NRXN1: variants seen among roughly 807,000 people sequenced by gnomAD.
NRXN1 encodes neurexin 1.
Under a neutral mutation model 150.9 loss-of-function variants are expected in NRXN1, and 39 were observed. The ratio of observed to expected loss-of-function variants is 0.26; its 90% CI spans 0.20 to 0.34. The LOEUF is 0.34. Among genes scored for constraint, NRXN1 ranks in the 10% least tolerant of loss-of-function variants. The probability of loss-of-function intolerance (pLI) is 1.00; values close to 1 mark genes in which losing one functional copy is unlikely to be tolerated. For synonymous variants in NRXN1, 924 were observed against 757.0 expected, an observed-to-expected ratio of 1.22 and a Z score of -3.62; for missense variants, 1,815 against 1,949.9, an observed-to-expected ratio of 0.93 and a Z score of 1.30.
intron 18 of NRXN1, among the ~76,000 whole-genome samples, chr2:50,115,580 A>G (rs1702945280): frequency 6.6e-6 from 1 of 152,024 alleles, no homozygotes; most frequent in Non-Finnish European, 1.5e-5. Flanking sequence ...TAAGTGAGAT[A>G]CGAACCCAGT....
chr2:50,676,175 T>C (rs1213263598), intron 5 of NRXN1, among the ~76,000 whole-genome samples: 1 of 152,068 alleles, frequency 6.6e-6, no homozygotes, highest in Non-Finnish European at 1.5e-5. Flanking sequence ...TCTCTCTTGC[T>C]CCCTCTCTCA....
At chr2:50,719,519 A>C (rs1041407958) in intron 5 of NRXN1, among the ~76,000 whole-genome samples, 1 of 151,994 alleles carries the variant, frequency 6.6e-6, no homozygotes, top group Non-Finnish European at 1.5e-5. Flanking sequence ...TACTAAAAAT[A>C]CAAAAAATTA....
chr2:50,679,677 C>T (rs1436462689), intron 5 of NRXN1, among the ~76,000 whole-genome samples: 1 of 152,108 alleles, frequency 6.6e-6, no homozygotes, highest in Non-Finnish European at 1.5e-5. Flanking sequence ...ATAAAATTAT[C>T]TTTATTCTAT....
chr2:50,039,925 A>C (rs924383964), intron 21 of NRXN1, among the ~76,000 whole-genome samples: 3 of 152,196 alleles, frequency 2.0e-5, no homozygotes, highest in Non-Finnish European at 4.4e-5. Flanking sequence ...GAGGTGGAAA[A>C]ATTCTCCTTT....
chr2:50,965,669 A>T (rs1358634687), intron 2 of NRXN1, among the ~76,000 whole-genome samples: 1 of 151,464 alleles, frequency 6.6e-6, no homozygotes, highest in Admixed American at 6.6e-5. Flanking sequence ...TGCCATGCTT[A>T]TATTTGGCTA....
intron 5 of NRXN1, chr2:50,917,204 G>C (rs1685331416): frequency 6.6e-6 from 1 of 151,370 alleles, no homozygotes; most frequent in African/African-American, 2.4e-5. Context: ...CAACAGTAAG[G>C]GTCTGTCAAC....
chr2:50,667,782 T>TTA (rs369618451), intron 5 of NRXN1, among the ~76,000 whole-genome samples: 22 of 152,126 alleles, frequency 1.4e-4, no homozygotes, highest in African/African-American at 5.3e-4. Flanking sequence ...TTCCTAAGTA[T>TTA]TATTGCATCT....
At chr2:50,825,828 A>G (rs925691342) in intron 5 of NRXN1, among the ~76,000 whole-genome samples, 1 of 152,202 alleles carries the variant, frequency 6.6e-6, no homozygotes, top group Non-Finnish European at 1.5e-5. Flanking sequence ...AAGGGATCTA[A>G]CACTTTCTGC....
chr2:50,875,802 A>G (rs1026265231), intron 5 of NRXN1, among the ~76,000 whole-genome samples: 1 of 151,800 alleles, frequency 6.6e-6, no homozygotes, highest in Non-Finnish European at 1.5e-5. Context: ...ATAACACCCC[A>G]GTTAATTTTC....
intron 22 of NRXN1, among the ~76,000 whole-genome samples, chr2:49,939,350 T>G (rs1671579605): frequency 6.6e-6 from 1 of 152,218 alleles, no homozygotes; most frequent in African/African-American, 2.4e-5. Context: ...AACACTGGCC[T>G]GTAACATTGT....
At chr2:50,231,825 G>C (rs2064970199) in intron 18 of NRXN1, among the ~76,000 whole-genome samples, 2 of 151,660 alleles carry the variant, frequency 1.3e-5, no homozygotes, top group African/African-American at 4.9e-5. Context: ...CTTTTCTCTA[G>C]AAGTGACAAC....
chr2:50,134,273 G>GAAAAAAAAAAAAAAAAAAA (rs59985780), intron 18 of NRXN1, among the ~76,000 whole-genome samples: 2 of 96,468 alleles, frequency 2.1e-5, no homozygotes, highest in Non-Finnish European at 4.5e-5. Context: ...AAAGTAACCA[G>GAAAAAAAAAAAAAAAAAAA]AAAAAAAAAA....
chr2:50,897,314 C>A (rs1682139228), intron 5 of NRXN1, among the ~76,000 whole-genome samples: 1 of 152,186 alleles, frequency 6.6e-6, no homozygotes, highest in Non-Finnish European at 1.5e-5. Flanking sequence ...AAATTGTTTT[C>A]TCTGAACTTG....
At chr2:50,803,428 A>T (rs1386662095) in intron 5 of NRXN1, among the ~76,000 whole-genome samples, 2 of 152,186 alleles carry the variant, frequency 1.3e-5, no homozygotes, top group African/African-American at 4.8e-5. Context: ...GAGTTCACAG[A>T]TACTACTCTC....
At chr2:50,151,410 A>G (rs575780893) in intron 18 of NRXN1, among the ~76,000 whole-genome samples, 1 of 151,872 alleles carries the variant, frequency 6.6e-6, no homozygotes, top group South Asian at 2.1e-4. Flanking sequence ...TTAAAATAGG[A>G]TATCAGTATG....
chr2:50,232,120 G>C (rs888262503), intron 18 of NRXN1, among the ~76,000 whole-genome samples: 1 of 151,964 alleles, frequency 6.6e-6, no homozygotes, highest in Non-Finnish European at 1.5e-5. Flanking sequence ...AAAATACCAA[G>C]AAATACCAGT....
chr2:50,417,573 C>T (rs369193101), intron 17 of NRXN1, among the ~76,000 whole-genome samples: 120 of 151,778 alleles, frequency 7.9e-4, no homozygotes, highest in African/African-American at 2.8e-3. Context: ...GTGCTTGGTC[C>T]AGAAGACAAA....
chr2:49,978,888 G>C (rs1181599773), intron 21 of NRXN1, among the ~76,000 whole-genome samples: 9 of 152,122 alleles, frequency 5.9e-5, no homozygotes, highest in Admixed American at 5.2e-4. Flanking sequence ...TAAATAATTT[G>C]TTTTAAATTT....
chr2:50,665,116 C>T (rs72837013), intron 5 of NRXN1, among the ~76,000 whole-genome samples: 13,557 of 151,866 alleles, frequency 0.089, 671 homozygotes, highest in Middle Eastern at 0.13. Context: ...TCAGTATGCA[C>T]AAATGAAAAA....
Sources: allele counts gnomAD v4.1 joint callset (sites outside exome capture counted in the v4.1 genomes callset), GRCh38; gene constraint gnomAD v4.1.1; transcripts MANE v1.5; gene names NCBI Gene and HGNC (gene_info 2026-07-23, HGNC 2026-07-21).